Variants in KMT2A observed in about 807,000 individuals in gnomAD.
The protein encoded by KMT2A is lysine methyltransferase 2A.
Under a neutral mutation model 345.3 loss-of-function variants are expected in KMT2A, and 16 were observed. The ratio of observed to expected loss-of-function variants is 0.05; its 90% CI spans 0.03 to 0.07. KMT2A has a LOEUF of 0.07. Ranked by LOEUF, KMT2A falls within the 10% of genes least tolerant of loss-of-function variation. KMT2A has a pLI of 1.00. For missense variants in KMT2A, 3,272 were observed against 4,841.6 expected, an observed-to-expected ratio of 0.68 and a Z score of 9.62; for synonymous variants, 1,599 against 1,778.6, an observed-to-expected ratio of 0.90 and a Z score of 2.54.
At position 118,472,521 on chromosome 11, in the gene KMT2A, G is replaced by A. The variant is rs1565278804; in HGVS notation, c.1362G>A (p.Pro454=). 1.2e-6 allele frequency: 2 copies of A among 1,612,998 alleles called. No homozygotes were observed. The highest frequency in any genetic ancestry group is 2.2e-5 in the East Asian group (1 of 44,858). Residue 454 remains proline, a synonymous_variant, in exon 3 of 36, where the codon CCG becomes CCA. Coordinates refer to ENST00000534358, the MANE Select transcript of KMT2A (RefSeq NM_001197104.2). The part of the protein sequence containing the change: ...ESTPNSRFSA[P]SCGSSEKSSA... The stretch of plus-strand genomic sequence containing the variant: ...CACCGAATAGTAGATTCAGTGCCCC[G>A]TCCTGTGGATCTTCTGAAAAATCAA...
chr11:118,453,083 T>C (rs1949573245), intron 1 of KMT2A, among the ~76,000 whole-genome samples: 1 of 152,178 alleles, frequency 6.6e-6, no homozygotes, highest in African/African-American at 2.4e-5. Flanking sequence ...CATCACCATA[T>C]AAAACTATCT....
chr11:118,498,293 G>T lies in KMT2A; in HGVS notation c.5803-77G>T. The T allele has an allele frequency of 7.5e-7, 1 of 1,328,426 alleles. No homozygotes were observed. The allele number at this position is 1,328,426 out of a possible 1,614,324, so 82.3% of individuals were successfully genotyped here. ...AATTGTAGGAACTGTAGAATGGGAT[G>T]AGTCTATAGAGGAGACGGTAAACGT... is the stretch of plus-strand genomic sequence containing the variant. On this transcript the variant is annotated intron_variant, in intron 21 of 35. Transcript: ENST00000534358. This position sits in a 1 kb window ranked among gnomAD's most constrained non-coding sequence, Gnocchi z 4.4.
rs544131318 is a variant in KMT2A at position 118,437,834 on chromosome 11, G to A, written c.432+890G>A. 2.6e-4 allele frequency among the ~76,000 whole-genome samples: 40 copies of A among 152,270 alleles called. No individual in the cohort carries two copies. The South Asian group carries it at 4.1e-3, about 16-fold the overall frequency. On this transcript the variant is annotated intron_variant, in intron 1 of 35. Transcript: ENST00000534358. Reference sequence around the variant, plus strand: ...TGTCCCCTAGGCTTAGAGAAGAGCAGCTTTCCACCACTCCCCTTGGAGAGG... The same window carrying A: ...TGTCCCCTAGGCTTAGAGAAGAGCAACTTTCCACCACTCCCCTTGGAGAGG...
At chr11:118,438,437 A>G (rs1949244300) in intron 1 of KMT2A, among the ~76,000 whole-genome samples, 1 of 119,142 alleles carries the variant, frequency 8.4e-6, no homozygotes, top group Admixed American at 9.9e-5. Context: ...TTCGAATTGT[A>G]GAGGGGGGAG....
chr11:118,437,064 G>C (rs537829994), intron 1 of KMT2A, 120 bp downstream of exon 1: 1 of 1,203,326 alleles, frequency 8.3e-7, no homozygotes, highest in African/African-American at 1.6e-5. Context: ...CCCTGACCCG[G>C]GGCGAATGGC....
intron 15 of KMT2A, among the ~76,000 whole-genome samples, chr11:118,492,848 G>C (rs1950347551): frequency 1.3e-5 from 2 of 152,136 alleles, no homozygotes; most frequent in Admixed American, 1.3e-4. Context: ...GAATTATCAA[G>C]AAAAGCTCCT....
intron 1 of KMT2A, among the ~76,000 whole-genome samples, chr11:118,465,171 G>C (rs998374219): frequency 3.3e-5 from 5 of 152,166 alleles, no homozygotes. Context: ...CCAGGAGACG[G>C]AGGTTGCAGT....
rs1555045463 is a variant in KMT2A, at chr11:118,501,072, G to A, written c.6244G>A (p.Val2082Ile). The A allele has an allele frequency of 3.7e-6, 6 of 1,614,084 alleles. No individual in the cohort carries two copies. Among genetic ancestry groups the A allele is most frequent in the African/African-American group, 1.3e-5 (1 of 75,036 alleles). The change falls in exon 25 of 36, where the codon GTA becomes ATA. Residue 2082 changes from valine (V) to isoleucine (I), a missense_variant. Transcript: ENST00000534358. ...GATAGTGGAGTGCCGTCCTCCAGTCGTAGAGCCGGATATCAACAGCACTGT... is the reference window on the plus strand; with the variant it reads ...GATAGTGGAGTGCCGTCCTCCAGTCATAGAGCCGGATATCAACAGCACTGT... Reference protein sequence around the residue: ...CKIVECRPPVVEPDINSTVEH... With the variant: ...CKIVECRPPVIEPDINSTVEH...
rs1951060510 is a variant in KMT2A, at chr11:118,525,443, C to CT, written c.*3272dup. 4.4e-6 allele frequency: 1 copy of CT among 228,164 alleles called. No homozygotes were observed. Among genetic ancestry groups the CT allele is most frequent in the Admixed American group, 5.7e-5 (1 of 17,598 alleles). 14.1% of individuals were successfully genotyped at this position (228,164 alleles called of 1,614,324 possible). On this transcript the variant is annotated 3_prime_UTR_variant, in exon 36 of 36. Coordinates refer to ENST00000534358, the MANE Select transcript of KMT2A (RefSeq NM_001197104.2). ...ACCCACCACCTCTCGCACAGCCCCT[C>CT]TGTTTTTACACCAATAACAAGAATT...
At chr11:118,471,567 T>C in intron 2 of KMT2A, 95 bp from the exon 3 acceptor site, 1 of 734,080 alleles carries the variant, frequency 1.4e-6, no homozygotes. Context: ...TTGAACTCAG[T>C]ACAAAATGGC....
chr11:118,477,915 C>A, intron 4 of KMT2A, 52 bp from the exon 5 acceptor site: 1 of 1,320,276 alleles, frequency 7.6e-7, no homozygotes, highest in Non-Finnish European at 1.1e-6. Context: ...CCAATTAAAA[C>A]CAGGTTTGAA....
intron 1 of KMT2A, among the ~76,000 whole-genome samples, chr11:118,455,838 C>T (rs1231959679): frequency 1.3e-5 from 2 of 151,908 alleles, no homozygotes; most frequent in African/African-American, 4.8e-5. Context: ...GTTGAGACTA[C>T]ACCACACCCA....
Position 118,491,694 on chromosome 11 carries a change from C to T in KMT2A, c.4820-50C>T, listed in dbSNP as rs1555042499. 2 of 1,390,158 alleles carry T rather than the reference C, an allele frequency of 1.4e-6. No homozygotes were observed. The highest frequency in any genetic ancestry group is 4.6e-5 in the East Asian group (2 of 43,216). 86.1% of individuals were successfully genotyped at this position (1,390,158 alleles called of 1,614,324 possible). ...AGTGGAATAGTTTCCTCTTCTTCCT[C>T]TCTCTCATTCTTCAGAGGACCTCAT... is the stretch of plus-strand genomic sequence containing the variant. On this transcript the variant is annotated intron_variant, in intron 14 of 35. Coordinates refer to ENST00000534358, the MANE Select transcript of KMT2A (RefSeq NM_001197104.2). The surrounding 1 kb of genome is among the most constrained non-coding windows in gnomAD (Gnocchi z 4.2).
chr11:118,451,008 A>G (rs1284749615), intron 1 of KMT2A, among the ~76,000 whole-genome samples: 3 of 152,162 alleles, frequency 2.0e-5, no homozygotes, highest in African/African-American at 7.2e-5. Context: ...TTCTACTACA[A>G]ATAATGAAAA....
In KMT2A at chr11:118,520,848, TTAAAAAA is replaced by T; in HGVS notation, c.11477_11483del (p.Leu3826Ter). ...GCCAATGCCCATGCGCTTCCGGCACTTAAAAAAGACTTCTAAGGAGGCAGTTGGTGTC... is the reference window on the plus strand; with the variant it reads ...GCCAATGCCCATGCGCTTCCGGCACTGACTTCTAAGGAGGCAGTTGGTGTC... On this transcript the variant is annotated frameshift_variant, in exon 34 of 36. Transcript: ENST00000534358. LOFTEE classifies it high-confidence loss of function. This position sits in a 1 kb window ranked among gnomAD's most constrained non-coding sequence, Gnocchi z 4.3. The T allele has an allele frequency of 6.2e-7, 1 of 1,614,058 alleles. No individual in the cohort carries two copies. The highest frequency in any genetic ancestry group is 8.5e-7 in the Non-Finnish European group (1 of 1,179,928).
intron 1 of KMT2A, among the ~76,000 whole-genome samples, chr11:118,441,673 A>G (rs1949316845): frequency 1.3e-5 from 2 of 152,230 alleles, no homozygotes; most frequent in Admixed American, 6.5e-5. Flanking sequence ...GTAGTTATTA[A>G]TATGTTCTGA....
chr11:118,493,167 T>G lies in KMT2A; in HGVS notation c.5115T>G (p.Asp1705Glu). Residue 1705 changes from aspartate to glutamate, a missense_variant, in exon 16 of 36, where the codon GAT becomes GAG. Physicochemically the swap from Asp to Glu is conservative, Grantham distance 45 (BLOSUM62 2). Around this residue, in one of 27 missense-constraint regions of KMT2A, gnomAD observed 235 missense variants for 503.4 expected, o/e 0.47. Coordinates refer to ENST00000534358, the MANE Select transcript of KMT2A (RefSeq NM_001197104.2). The surrounding 1 kb of genome is among the most constrained non-coding windows in gnomAD (Gnocchi z 5.8). ...TTACTGAGGTCAGCAAACAGGATGA[T>G]CAGCAGCCTTTAGATCTAGAAGGAG... Reference protein sequence around the residue: ...PVLTEVSKQDDQQPLDLEGVK... With the variant: ...PVLTEVSKQDEQQPLDLEGVK... The G allele has an allele frequency of 6.2e-7, 1 of 1,614,114 alleles. No homozygotes were observed. Among genetic ancestry groups the G allele is most frequent in the Non-Finnish European group, 8.5e-7 (1 of 1,180,014 alleles).
chr11:118,490,511 T>G lies in KMT2A; in HGVS notation c.4696+262T>G, dbSNP rs1829026619. On this transcript the variant is annotated intron_variant, in intron 13 of 35. Transcript: ENST00000534358. The surrounding 1 kb of genome is among the most constrained non-coding windows in gnomAD (Gnocchi z 4.2). ...AGTATTTCCCAAAGTGTGATATATA[T>G]ATTATATATTTGATTATTTCAGACA... is the stretch of plus-strand genomic sequence containing the variant. Among the ~76,000 whole-genome samples, 2 of 152,092 alleles carry G rather than the reference T, an allele frequency of 1.3e-5. No individual in the cohort carries two copies.
At position 118,523,480 on chromosome 11, in the gene KMT2A, T is replaced by C; in HGVS notation, c.*1308T>C. ...GCATCAAATGTTTCTTCTCTTCCTTTCCCCAAGACAGAGTCCTGAACCTGT... is the reference window on the plus strand; with the variant it reads ...GCATCAAATGTTTCTTCTCTTCCTTCCCCCAAGACAGAGTCCTGAACCTGT... On this transcript the variant is annotated 3_prime_UTR_variant, in exon 36 of 36. Transcript: ENST00000534358. 1 of 224,822 alleles carries C rather than the reference T, an allele frequency of 4.4e-6. No homozygotes were observed. Among genetic ancestry groups the C allele is most frequent in the Non-Finnish European group, 8.9e-6 (1 of 112,526 alleles). 13.9% of individuals were successfully genotyped at this position (224,822 alleles called of 1,614,324 possible).
Sources: gnomAD v4.1 joint callset for allele counts (sites outside exome capture counted in the v4.1 genomes callset) on GRCh38, gnomAD v4.1.1 for gene constraint, gnomAD v4.1.1 regional missense constraint, Gnocchi (gnomAD v3.1) non-coding constraint, MANE v1.5 for transcripts, NCBI Gene and HGNC (gene_info 2026-07-23, HGNC 2026-07-21) for gene names.